Variants in FRMPD4 observed in about 807,000 individuals in gnomAD.
The protein encoded by FRMPD4 is FERM and PDZ domain containing 4.
Under a neutral mutation model 94.1 loss-of-function variants are expected in FRMPD4, and 22 were observed. The ratio of observed to expected loss-of-function variants is 0.23; its 90% CI spans 0.17 to 0.33. The LOEUF (loss-of-function observed/expected upper bound fraction) is 0.33, where lower values mean the gene tolerates loss of function less well. Among genes scored for constraint, FRMPD4 ranks in the 10% least tolerant of loss-of-function variants. FRMPD4 has a pLI of 1.00. For missense variants in FRMPD4, 1,111 were observed against 1,339.9 expected, an observed-to-expected ratio of 0.83 and a Z score of 2.67; for synonymous variants, 631 against 548.6, an observed-to-expected ratio of 1.15 and a Z score of -2.10.
chrX:12,171,825 A>G (rs1019154974), intron 1 of FRMPD4, among the ~76,000 whole-genome samples: 5 of 111,991 alleles, frequency 4.5e-5, no homozygotes, highest in African/African-American at 1.6e-4. Flanking sequence ...TGGGGATGAA[A>G]GAAGAGACTG....
intron 1 of FRMPD4, among the ~76,000 whole-genome samples, chrX:12,313,087 G>A (rs930501007): frequency 1.8e-5 from 2 of 111,614 alleles, no homozygotes; most frequent in Non-Finnish European, 3.8e-5. Flanking sequence ...GGAGAAAAAA[G>A]GGACAAAAAA....
At position 11,865,534 on chromosome X, in the gene FRMPD4, C is replaced by T. The variant is rs139933793; in HGVS notation, c.-30+318C>T. The stretch of plus-strand genomic sequence containing the variant: ...CTATGCTGAGCCTAGTGCTAAAGTG[C>T]ATTCCATAGATTTTTCTAATCAACC... On this transcript the variant is annotated intron_variant, in intron 2 of 18. Coordinates refer to the FRMPD4 transcript ENST00000640291. Among the ~76,000 whole-genome samples, 545 of 111,881 alleles carry T rather than the reference C, an allele frequency of 4.9e-3. 3 individuals are homozygous for T. Among genetic ancestry groups the T allele is most frequent in the Non-Finnish European group, 7.1e-3 (375 of 53,136 alleles).
At chrX:12,685,778 G>T (rs934936451) in intron 6 of FRMPD4, among the ~76,000 whole-genome samples, 1 of 112,018 alleles carries the variant, frequency 8.9e-6, no homozygotes, top group Non-Finnish European at 1.9e-5. Context: ...TTCTGCTCAA[G>T]ACGTCCTGCC....
intron 3 of FRMPD4, among the ~76,000 whole-genome samples, chrX:11,945,116 G>C (rs1569129975): frequency 9.0e-6 from 1 of 111,361 alleles, no homozygotes; most frequent in Non-Finnish European, 1.9e-5. Context: ...GAGGATTCCA[G>C]TGAACAACCA....
intron 2 of FRMPD4, among the ~76,000 whole-genome samples, chrX:12,604,850 G>A (rs1025646360): frequency 5.4e-5 from 6 of 110,828 alleles, no homozygotes; most frequent in Non-Finnish European, 9.4e-5. Flanking sequence ...CGTGTGTGTC[G>A]TTCCCCTCTA....
intron 2 of FRMPD4, among the ~76,000 whole-genome samples, chrX:11,871,588 A>G (rs1228648226): frequency 8.0e-5 from 9 of 112,617 alleles, no homozygotes; most frequent in African/African-American, 2.9e-4. Context: ...TTCAAACATA[A>G]TGGGAGTCAT....
At chrX:12,113,857 G>C (rs2147527031) in intron 3 of FRMPD4, among the ~76,000 whole-genome samples, 1 of 111,756 alleles carries the variant, frequency 8.9e-6, no homozygotes, top group Non-Finnish European at 1.9e-5. Context: ...AGAAAACACT[G>C]TATTAAATAC....
At chrX:12,655,661 G>A (rs542990687) in intron 4 of FRMPD4, among the ~76,000 whole-genome samples, 2 of 112,108 alleles carry the variant, frequency 1.8e-5, no homozygotes, top group African/African-American at 6.5e-5. Context: ...CATGTTCTGG[G>A]CCAATGAGAA....
At chrX:12,180,704 T>G (rs2056348506) in intron 1 of FRMPD4, among the ~76,000 whole-genome samples, 1 of 112,668 alleles carries the variant, frequency 8.9e-6, no homozygotes, top group Non-Finnish European at 1.9e-5. Context: ...AACAAATATT[T>G]TTGACTTTGC....
chrX:12,229,981 C>T (rs1273441809), intron 1 of FRMPD4, among the ~76,000 whole-genome samples: 3 of 111,787 alleles, frequency 2.7e-5, no homozygotes, highest in African/African-American at 9.8e-5. Context: ...TTTGACCCCA[C>T]CTTGGATGTG....
At chrX:12,353,228 A>T (rs2055842240) in intron 1 of FRMPD4, among the ~76,000 whole-genome samples, 1 of 111,850 alleles carries the variant, frequency 8.9e-6, no homozygotes, top group African/African-American at 3.3e-5. Context: ...GAATGTTCTC[A>T]CTGGTAGTAT....
chrX:11,981,319 A>G lies in FRMPD4; in HGVS notation c.95+103301A>G, dbSNP rs187450670. ...AGGTAATATTAATATCTCTCAATGT[A>G]ATAGAATTGTCAGTTTCTCTTTAAG... On this transcript the variant is annotated intron_variant, in intron 3 of 18. Transcript: ENST00000640291. Among the ~76,000 whole-genome samples the G allele has an allele frequency of 2.7e-5, 3 of 111,935 alleles. No individual in the cohort carries two copies. The East Asian group carries it at 8.4e-4, about 31-fold the overall frequency.
intron 9 of FRMPD4, among the ~76,000 whole-genome samples, chrX:12,695,784 G>A (rs1274344089): frequency 9.4e-6 from 1 of 105,929 alleles, no homozygotes; most frequent in Admixed American, 1.0e-4. Context: ...TTTTTGAGAC[G>A]GAGTTTCGCT....
intron 2 of FRMPD4, among the ~76,000 whole-genome samples, chrX:12,583,938 T>A (rs917800606): frequency 1.8e-5 from 2 of 111,512 alleles, no homozygotes; most frequent in Non-Finnish European, 3.8e-5. Context: ...ATCGAGTTCC[T>A]GCCTCACACG....
chrX:11,991,054 T>C (rs1195053431), intron 3 of FRMPD4, among the ~76,000 whole-genome samples: 1 of 112,279 alleles, frequency 8.9e-6, no homozygotes, highest in Non-Finnish European at 1.9e-5. Context: ...CCATGGGACC[T>C]TCTCCATAAT....
chrX:12,649,540 A>G (rs1468674259), intron 4 of FRMPD4, among the ~76,000 whole-genome samples: 1 of 111,451 alleles, frequency 9.0e-6, no homozygotes, highest in Non-Finnish European at 1.9e-5. Context: ...GGACTATCCT[A>G]GGAGTGGATA....
chrX:12,413,560 G>A (rs1211892567), intron 1 of FRMPD4, among the ~76,000 whole-genome samples: 1 of 112,114 alleles, frequency 8.9e-6, no homozygotes, highest in African/African-American at 3.2e-5. Flanking sequence ...TGGTTTGAGA[G>A]CCTGCATTCT....
At chrX:12,226,761 T>TA (rs1439132431) in intron 1 of FRMPD4, among the ~76,000 whole-genome samples, 1 of 111,272 alleles carries the variant, frequency 9.0e-6, no homozygotes, top group Non-Finnish European at 1.9e-5. Context: ...ACCCTGAGCC[T>TA]AAAAAACTCA....
At chrX:12,530,490 G>A (rs1226719631) in intron 2 of FRMPD4, among the ~76,000 whole-genome samples, 2 of 111,278 alleles carry the variant, frequency 1.8e-5, no homozygotes, top group Non-Finnish European at 3.8e-5. Context: ...GCAGAAGCAG[G>A]GTGGAGAATT....
Sources: allele counts gnomAD v4.1 joint callset (sites outside exome capture counted in the v4.1 genomes callset), GRCh38; gene constraint gnomAD v4.1.1; transcripts MANE v1.5; gene names NCBI Gene and HGNC (gene_info 2026-07-23, HGNC 2026-07-21).